The following TAFA2 variants were observed in gnomAD, a reference collection of about 807,000 sequenced individuals.
TAFA2 encodes the protein chemokine-like protein TAFA-2.
In TAFA2, 7 loss-of-function variants were observed where a neutral mutation model predicts 18.8. That is an observed-to-expected ratio of 0.37 (90% confidence interval 0.21 to 0.70). TAFA2 has a LOEUF of 0.70. Among genes scored for constraint, TAFA2 ranks in the 30% least tolerant of loss-of-function variants. The probability of loss-of-function intolerance (pLI) is 0.53; values close to 1 mark genes in which losing one functional copy is unlikely to be tolerated. For missense variants in TAFA2, 122 were observed against 158.1 expected, an observed-to-expected ratio of 0.77 and a Z score of 1.23; for synonymous variants, 60 against 54.2, an observed-to-expected ratio of 1.11 and a Z score of -0.47.
chr12:62,259,230 C>T (rs2062967459), upstream of TAFA2, among the ~76,000 whole-genome samples: 1 of 152,108 alleles, frequency 6.6e-6, no homozygotes, highest in African/African-American at 2.4e-5. Flanking sequence ...AAAATCACAC[C>T]CCTGGACATC....
chr12:61,808,276 G>A (rs1017627432), intron 2 of TAFA2, among the ~76,000 whole-genome samples: 1 of 151,542 alleles, frequency 6.6e-6, no homozygotes, highest in Non-Finnish European at 1.5e-5. Flanking sequence ...TCTCTTGTCT[G>A]CCACCATGTG....
intron 2 of TAFA2, among the ~76,000 whole-genome samples, chr12:61,815,901 T>G (rs886109657): frequency 6.6e-6 from 1 of 151,298 alleles, no homozygotes; most frequent in South Asian, 2.1e-4. Context: ...CTCATGGAGC[T>G]TCTATTCTAG....
At chr12:62,193,501 A>C (rs996851888), upstream of TAFA2, among the ~76,000 whole-genome samples, 1 of 152,244 alleles carries the variant, frequency 6.6e-6, no homozygotes, top group African/African-American at 2.4e-5. Flanking sequence ...GTAATACTAC[A>C]TACCATATTT....
chr12:62,026,109 AT>A (rs1202447143), intron 1 of TAFA2, among the ~76,000 whole-genome samples: 1 of 152,130 alleles, frequency 6.6e-6, no homozygotes, highest in Admixed American at 6.6e-5. Context: ...CTTTCACATC[AT>A]CCTGTTTAGA....
chr12:61,720,217 T>C (rs1449655199), intron 4 of TAFA2, among the ~76,000 whole-genome samples: 1 of 152,172 alleles, frequency 6.6e-6, no homozygotes, highest in Non-Finnish European at 1.5e-5. Flanking sequence ...GCAATTTAAA[T>C]ATATAAAGAA....
At chr12:62,159,488 C>A (rs369397027) in intron 1 of TAFA2, among the ~76,000 whole-genome samples, 3 of 152,118 alleles carry the variant, frequency 2.0e-5, no homozygotes, top group Non-Finnish European at 4.4e-5. Context: ...CAGACTGTTC[C>A]TTTGAGTGTC....
chr12:61,776,211 C>T, intron 2 of TAFA2: 2 of 215,122 alleles, frequency 9.3e-6, no homozygotes, highest in Non-Finnish European at 9.6e-6. Flanking sequence ...GCATATTAAG[C>T]AGTTTAAGAG....
intron 2 of TAFA2, among the ~76,000 whole-genome samples, chr12:61,861,628 T>TAA (rs1874132279): frequency 6.6e-6 from 1 of 152,104 alleles, no homozygotes; most frequent in South Asian, 2.1e-4. Context: ...ATTTCACGGA[T>TAA]AGTTGGTTGG....
At chr12:61,876,087 A>T (rs973562264) in intron 1 of TAFA2, among the ~76,000 whole-genome samples, 10 of 152,180 alleles carry the variant, frequency 6.6e-5, no homozygotes, top group African/African-American at 2.4e-4. Context: ...TCATAATAAA[A>T]CATTTTCTTT....
chr12:61,945,870 G>A (rs111598606), intron 1 of TAFA2, among the ~76,000 whole-genome samples: 3 of 149,594 alleles, frequency 2.0e-5, no homozygotes, highest in Non-Finnish European at 3.0e-5. Context: ...TCGTGAAAAT[G>A]GCCATACTGC....
At chr12:62,070,920 A>G (rs984222648) in intron 1 of TAFA2, among the ~76,000 whole-genome samples, 31 of 152,202 alleles carry the variant, frequency 2.0e-4, no homozygotes, top group Admixed American at 1.2e-3. Flanking sequence ...TCAAATCTGA[A>G]CATACGAAAT....
upstream of TAFA2, among the ~76,000 whole-genome samples, chr12:62,194,829 A>G (rs921773735): frequency 1.3e-5 from 2 of 152,238 alleles, no homozygotes; most frequent in South Asian, 4.1e-4. Flanking sequence ...AGTGAGTCAC[A>G]CAATTTTTTT....
In TAFA2 at chr12:61,867,343, A is replaced by T. The variant is rs773048100; in HGVS notation, c.83T>A (p.Val28Glu). Residue 28 changes from valine (V) to glutamate (E), a missense_variant, in exon 2 of 5, where the codon GTA (valine) becomes GAA (glutamate). Val to Glu is a moderately radical substitution (Grantham distance 121, BLOSUM62 -2). This residue lies in a region of TAFA2 where 62 missense variants were observed against 55.5 expected (regional missense o/e 1.12). Coordinates refer to ENST00000416284, the MANE Select transcript of TAFA2 (RefSeq NM_178539.5). ...IFIVTLWGKV[V>E]SSANHHKAHH... ...ACCTTTATGATGGTTTGCACTGGAT[A>T]CAACTTTCCCCCACAAGGTTACAAT... 1.0e-5 allele frequency: 16 copies of T among 1,607,444 alleles called. No homozygotes were observed. Among genetic ancestry groups the T allele is most frequent in the Middle Eastern group, 1.7e-4 (1 of 6,048 alleles).
chr12:61,967,916 G>T (rs1049703577), intron 1 of TAFA2, among the ~76,000 whole-genome samples: 1 of 151,796 alleles, frequency 6.6e-6, no homozygotes, highest in Non-Finnish European at 1.5e-5. Flanking sequence ...ACATAAGCAG[G>T]TCTGCAGTCC....
chr12:61,948,809 C>G (rs564672683), intron 1 of TAFA2, among the ~76,000 whole-genome samples: 1 of 152,142 alleles, frequency 6.6e-6, no homozygotes, highest in African/African-American at 2.4e-5. Context: ...GACACCTCAG[C>G]GTCTTAGCTC....
chr12:62,080,702 T>G (rs1164535895), intron 1 of TAFA2, among the ~76,000 whole-genome samples: 2 of 152,188 alleles, frequency 1.3e-5, no homozygotes, highest in African/African-American at 4.8e-5. Flanking sequence ...AAAACAATGA[T>G]TGCCACTTTG....
intron 1 of TAFA2, among the ~76,000 whole-genome samples, chr12:62,121,385 A>G (rs1430083262): frequency 1.3e-5 from 2 of 152,212 alleles, no homozygotes; most frequent in Non-Finnish European, 2.9e-5. Context: ...AAAGTCCACA[A>G]TGATTTGTGT....
At chr12:62,202,202 G>A (rs2062673953) in intron 1 of TAFA2, among the ~76,000 whole-genome samples, 1 of 151,794 alleles carries the variant, frequency 6.6e-6, no homozygotes, top group Non-Finnish European at 1.5e-5. Flanking sequence ...TGGATTAGCT[G>A]ATTTTTTAAG....
intron 2 of TAFA2, among the ~76,000 whole-genome samples, chr12:61,835,054 C>T (rs984172910): frequency 1.3e-5 from 2 of 151,842 alleles, no homozygotes; most frequent in Admixed American, 6.6e-5. Context: ...TTCTGCTCTT[C>T]TAACTAAATG....
Sources: gnomAD v4.1 joint callset for allele counts (sites outside exome capture counted in the v4.1 genomes callset) on GRCh38, gnomAD v4.1.1 for gene constraint, gnomAD v4.1.1 regional missense constraint, MANE v1.5 for transcripts, NCBI Gene and HGNC (gene_info 2026-07-23, HGNC 2026-07-21) for gene names.